The following MMP16 variants were observed in gnomAD, a reference collection of about 807,000 sequenced individuals.
MMP16 encodes the protein matrix metallopeptidase 16.
A neutral mutation model predicts 67.8 loss-of-function variants in MMP16; 12 were observed. That is an observed-to-expected ratio of 0.18 (90% CI 0.11 to 0.29). The LOEUF is 0.29. Ranked by LOEUF, MMP16 falls within the 10% of genes least tolerant of loss-of-function variation. MMP16 has a pLI of 1.00. For missense variants in MMP16, 475 were observed against 765.7 expected, an observed-to-expected ratio of 0.62 and a Z score of 4.48; for synonymous variants, 249 against 255.9, an observed-to-expected ratio of 0.97 and a Z score of 0.26.
chr8:88,159,454 GCT>G (rs1289059011), intron 4 of MMP16, among the ~76,000 whole-genome samples: 1 of 152,004 alleles, frequency 6.6e-6, no homozygotes, highest in African/African-American at 2.4e-5. Context: ...TCATGATTTG[GCT>G]CTCTGTTTGT....
chr8:88,176,679 C>A (rs1355211417), intron 3 of MMP16, among the ~76,000 whole-genome samples: 1 of 152,086 alleles, frequency 6.6e-6, no homozygotes, highest in Non-Finnish European at 1.5e-5. Flanking sequence ...ATAGTGAATC[C>A]TTTTCCAATT....
intron 1 of MMP16, among the ~76,000 whole-genome samples, chr8:88,273,248 C>CATT (rs1554590570): frequency 5.3e-5 from 7 of 132,320 alleles, no homozygotes; most frequent in African/African-American, 1.9e-4. Context: ...CCATGCCTGG[C>CATT]TTTTTTTTTT....
At chr8:88,060,813 CTTAA>C (rs1818342910) in intron 7 of MMP16, among the ~76,000 whole-genome samples, 1 of 151,876 alleles carries the variant, frequency 6.6e-6, no homozygotes, top group African/African-American at 2.4e-5. Flanking sequence ...AAAGTAGGTG[CTTAA>C]TAAATAAATA....
intron 1 of MMP16, among the ~76,000 whole-genome samples, chr8:88,218,652 T>C (rs557434191): frequency 1.3e-5 from 2 of 152,086 alleles, no homozygotes; most frequent in East Asian, 3.9e-4. Flanking sequence ...AAAAATGAAA[T>C]AAACATTGGC....
intron 4 of MMP16, among the ~76,000 whole-genome samples, chr8:88,135,936 A>C (rs1808112140): frequency 6.6e-6 from 1 of 151,882 alleles, no homozygotes; most frequent in African/African-American, 2.4e-5. Flanking sequence ...TTTATTATAT[A>C]AGTGGGTTAA....
intron 8 of MMP16, among the ~76,000 whole-genome samples, chr8:88,051,731 AGGTCT>A: frequency 6.6e-6 from 1 of 152,212 alleles, no homozygotes; most frequent in Non-Finnish European, 1.5e-5. Flanking sequence ...AAAATAAAGT[AGGTCT>A]ACATTTTGTT....
intron 1 of MMP16, among the ~76,000 whole-genome samples, chr8:88,229,582 G>A (rs970696123): frequency 6.6e-6 from 1 of 151,982 alleles, no homozygotes; most frequent in East Asian, 1.9e-4. Flanking sequence ...AGAACAACAG[G>A]GACAAAGCAA....
At chr8:88,262,514 G>A (rs1180841935) in intron 1 of MMP16, among the ~76,000 whole-genome samples, 2 of 152,098 alleles carry the variant, frequency 1.3e-5, no homozygotes, top group African/African-American at 4.8e-5. Flanking sequence ...GAGGCTCCTC[G>A]CTAGCAGTAT....
intron 1 of MMP16, among the ~76,000 whole-genome samples, chr8:88,304,619 C>G (rs1206564210): frequency 6.6e-6 from 1 of 152,196 alleles, no homozygotes; most frequent in Non-Finnish European, 1.5e-5. Flanking sequence ...CCCTACAAGG[C>G]AGAAGAGATT....
At chr8:88,245,351 A>C (rs538492008) in intron 1 of MMP16, among the ~76,000 whole-genome samples, 1 of 152,344 alleles carries the variant, frequency 6.6e-6, no homozygotes, top group East Asian at 1.9e-4. Flanking sequence ...AGCCATTCCT[A>C]AAACATCAGA....
At chr8:88,165,048 CAG>C (rs1229382590) in intron 4 of MMP16, among the ~76,000 whole-genome samples, 1 of 151,366 alleles carries the variant, frequency 6.6e-6, no homozygotes, top group Non-Finnish European at 1.5e-5. Context: ...TCTTTATTTT[CAG>C]AGTGTTGGTT....
At chr8:88,205,904 A>G (rs1809418195) in intron 1 of MMP16, among the ~76,000 whole-genome samples, 1 of 152,074 alleles carries the variant, frequency 6.6e-6, no homozygotes. Context: ...CTCATAATCG[A>G]TATCAGTCAT....
chr8:88,323,167 G>A (rs1159677486), intron 1 of MMP16, among the ~76,000 whole-genome samples: 1 of 152,072 alleles, frequency 6.6e-6, no homozygotes, highest in Non-Finnish European at 1.5e-5. Context: ...ATGAAATAAT[G>A]CATCTTGATT....
intron 4 of MMP16, among the ~76,000 whole-genome samples, chr8:88,160,668 C>T (rs915513203): frequency 6.6e-6 from 1 of 152,050 alleles, no homozygotes; most frequent in Non-Finnish European, 1.5e-5. Flanking sequence ...AATAGGAACA[C>T]TTTTACACTG....
At chr8:88,156,181 A>G (rs1424116053) in intron 4 of MMP16, among the ~76,000 whole-genome samples, 1 of 152,022 alleles carries the variant, frequency 6.6e-6, no homozygotes, top group Non-Finnish European at 1.5e-5. Context: ...AATATCTCCT[A>G]CTTTCTCTAC....
intron 4 of MMP16, among the ~76,000 whole-genome samples, chr8:88,153,189 C>A (rs1808439467): frequency 6.7e-6 from 1 of 149,488 alleles, no homozygotes; most frequent in Non-Finnish European, 1.5e-5. Flanking sequence ...AGGAGAACTA[C>A]AAATCACTGC....
At chr8:88,128,663 A>G (rs1006000528) in intron 4 of MMP16, among the ~76,000 whole-genome samples, 4 of 151,736 alleles carry the variant, frequency 2.6e-5, no homozygotes, top group Non-Finnish European at 5.9e-5. Flanking sequence ...TCCTGTCTCT[A>G]TGGGAAGGGA....
intron 1 of MMP16, among the ~76,000 whole-genome samples, chr8:88,276,678 A>T (rs1377179510): frequency 1.3e-5 from 2 of 152,142 alleles, no homozygotes; most frequent in South Asian, 2.1e-4. Context: ...TAAAACAGTC[A>T]TTCCTATTCA....
intron 1 of MMP16, among the ~76,000 whole-genome samples, chr8:88,313,576 C>A (rs929892382): frequency 6.6e-6 from 1 of 152,100 alleles, no homozygotes; most frequent in Non-Finnish European, 1.5e-5. Context: ...ATTCATCAAC[C>A]TTCTTGGATC....
Sources: gnomAD v4.1 joint callset for allele counts (sites outside exome capture counted in the v4.1 genomes callset) on GRCh38, gnomAD v4.1.1 for gene constraint, MANE v1.5 for transcripts, NCBI Gene and HGNC (gene_info 2026-07-23, HGNC 2026-07-21) for gene names.